Variants in EFCAB5 observed in about 807,000 individuals in gnomAD.
EFCAB5 encodes EF-hand calcium binding domain 5.
EFCAB5 carries 131 observed loss-of-function variants against 167.9 expected under a neutral mutation model. The ratio of observed to expected loss-of-function variants is 0.78; its 90% CI spans 0.68 to 0.90. The LOEUF is 0.90. Among genes scored for constraint, EFCAB5 ranks in the 40% least tolerant of loss-of-function variants. The pLI is 0.00. For synonymous variants in EFCAB5, 574 were observed against 602.8 expected (o/e 0.95, Z 0.70); for missense variants, 1,663 against 1,745.2 (o/e 0.95, Z 0.84).
At chr17:30,084,069 T>C (rs1296156127) in intron 18 of EFCAB5, among the ~76,000 whole-genome samples, 1 of 152,192 alleles carries the variant, frequency 6.6e-6, no homozygotes, top group East Asian at 1.9e-4. Flanking sequence ...GGTGGTAGTG[T>C]CACCTGGTTG....
intron 12 of EFCAB5, 78 bp downstream of exon 12, chr17:30,056,234 A>C: frequency 7.4e-7 from 1 of 1,354,968 alleles, no homozygotes; most frequent in South Asian, 1.3e-5. Flanking sequence ...TCGATGATAA[A>C]GACTGAATTT....
At position 30,039,358 on chromosome 17, in the gene EFCAB5, A is replaced by G. The variant is rs114313036; in HGVS notation, c.1200+4973A>G. Among the ~76,000 whole-genome samples the G allele has an allele frequency of 7.1e-3, 1,086 of 152,284 alleles. 15 individuals carry two copies. Among genetic ancestry groups the G allele is most frequent in the African/African-American group, 0.022 (931 of 41,548 alleles). On this transcript the variant is annotated intron_variant, in intron 8 of 22. Coordinates refer to ENST00000394835, the MANE Select transcript of EFCAB5 (RefSeq NM_198529.4). ...AAGCTAAGAAAAGCTTCATCTTTCC[A>G]TCTTTTCCTTTCCTTTCCTTCCCTC...
chr17:30,019,285 T>A (rs1006916386), intron 7 of EFCAB5, among the ~76,000 whole-genome samples: 2 of 151,832 alleles, frequency 1.3e-5, no homozygotes, highest in Non-Finnish European at 3.0e-5. Flanking sequence ...CCTCTATGCT[T>A]AATTTAATTG....
chr17:29,974,599 C>CA (rs1038080890), intron 4 of EFCAB5, among the ~76,000 whole-genome samples: 24 of 151,456 alleles, frequency 1.6e-4, no homozygotes, highest in African/African-American at 5.3e-4. Context: ...TAGAGCCATG[C>CA]AAAAAACTAG....
chr17:29,975,581 CTTTT>C (rs2068049219), intron 4 of EFCAB5, among the ~76,000 whole-genome samples: 1 of 152,154 alleles, frequency 6.6e-6, no homozygotes, highest in African/African-American at 2.4e-5. Context: ...TTTATAATTT[CTTTT>C]GACTTGTTTT....
intron 4 of EFCAB5, among the ~76,000 whole-genome samples, chr17:29,990,842 G>C (rs996131900): frequency 6.6e-6 from 1 of 152,126 alleles, no homozygotes; most frequent in Non-Finnish European, 1.5e-5. Flanking sequence ...GGTGCTGCTC[G>C]AACAGTCACT....
intron 3 of EFCAB5, among the ~76,000 whole-genome samples, chr17:29,958,660 T>A (rs889698055): frequency 6.6e-6 from 1 of 152,160 alleles, no homozygotes; most frequent in Non-Finnish European, 1.5e-5. Flanking sequence ...CTTACTTTGT[T>A]TGATAAGGTC....
chr17:30,013,074 C>A (rs2068946119), intron 7 of EFCAB5, among the ~76,000 whole-genome samples: 1 of 152,106 alleles, frequency 6.6e-6, no homozygotes, highest in Admixed American at 6.5e-5. Context: ...GTGGTTTTGT[C>A]TTCGGTTCTG....
At chr17:30,044,501 G>A (rs139738548) in intron 8 of EFCAB5, among the ~76,000 whole-genome samples, 1,597 of 152,034 alleles carry the variant, frequency 0.011, 35 homozygotes, top group African/African-American at 0.036. Context: ...GCTTGAACCC[G>A]GGAGGTGGAG....
rs778567177 is a variant in EFCAB5, at chr17:30,055,923, T to C, written c.2230T>C (p.Cys744Arg). Residue 744 changes from cysteine (C) to arginine (R), a missense_variant, in exon 11 of 23, where the codon TGT becomes CGT. Coordinates refer to ENST00000394835, the MANE Select transcript of EFCAB5 (RefSeq NM_198529.4). ...TKKEVQKDKP[C>R]EPKSQKIEGK... ...AAAGGAAGTTCAGAAAGACAAGCCCTGTGAACCCAAGTCCCAAAAAATAGA... is the reference window on the plus strand; with the variant it reads ...AAAGGAAGTTCAGAAAGACAAGCCCCGTGAACCCAAGTCCCAAAAAATAGA... 9 of 1,613,574 alleles carry C rather than the reference T, an allele frequency of 5.6e-6. No individual in the cohort carries two copies. The highest frequency in any genetic ancestry group is 8.5e-7 in the Non-Finnish European group (1 of 1,179,784).
At chr17:29,941,926 A>G (rs2151513842) in intron 1 of EFCAB5, 88 bp downstream of exon 1, 1 of 1,272,034 alleles carries the variant, frequency 7.9e-7, no homozygotes, top group East Asian at 2.5e-5. Context: ...ATCACAGTCT[A>G]TCATTTAATT....
intron 3 of EFCAB5, among the ~76,000 whole-genome samples, chr17:29,953,216 A>G (rs974128771): frequency 6.6e-6 from 1 of 152,212 alleles, no homozygotes; most frequent in African/African-American, 2.4e-5. Context: ...TACAAAAATC[A>G]TTAGCATTCC....
At chr17:29,977,510 C>G (rs2068085593) in intron 4 of EFCAB5, among the ~76,000 whole-genome samples, 1 of 152,172 alleles carries the variant, frequency 6.6e-6, no homozygotes, top group Admixed American at 6.5e-5. Flanking sequence ...AGACCCCAAA[C>G]AGAAGCTTGT....
intron 7 of EFCAB5, among the ~76,000 whole-genome samples, chr17:30,010,381 C>T (rs2068869848): frequency 6.6e-6 from 1 of 152,216 alleles, no homozygotes; most frequent in African/African-American, 2.4e-5. Flanking sequence ...AGAATTGCCA[C>T]ACTGTCTTCC....
At position 30,086,194 on chromosome 17, in the gene EFCAB5, A is replaced by G. The variant is rs184946612; in HGVS notation, c.3580-869A>G. ...ATGATTCATAAAAACCCCTCTTTAC[A>G]TCTCTTAATTGAATTTGTGTTTCCT... On this transcript the variant is annotated intron_variant, in intron 18 of 22. Transcript: ENST00000394835. 2.0e-5 allele frequency among the ~76,000 whole-genome samples: 3 copies of G among 152,026 alleles called. No individual in the cohort carries two copies. In the East Asian group the frequency reaches 5.8e-4, roughly 29 times the overall value.
rs1469054571 is a variant in EFCAB5, at chr17:30,057,833, C to T, written c.2523C>T (p.Ser841=). The T allele has an allele frequency of 2.7e-5, 43 of 1,613,596 alleles. No homozygotes were observed. The highest frequency in any genetic ancestry group is 3.5e-5 in the Non-Finnish European group (41 of 1,179,748). ...APLSVSETLT[S]FFKEGYVETE... is the part of the protein sequence containing the mutation. ...TGAGTGTCAGCGAGACTCTCACCTC[C>T]TTTTTTAAGGAGGGCTATGTTGAAA... Residue 841 remains serine (S), a synonymous_variant, in exon 13 of 23, where the codon TCC becomes TCT. Transcript: ENST00000394835.
chr17:30,040,239 C>G (rs566746998), intron 8 of EFCAB5, among the ~76,000 whole-genome samples: 1 of 152,318 alleles, frequency 6.6e-6, no homozygotes, highest in South Asian at 2.1e-4. Flanking sequence ...GGTCAGCCCC[C>G]AAGGGCCATC....
In EFCAB5 at chr17:30,083,052, G is replaced by A. The variant is rs759214605; in HGVS notation, c.3579+9G>A. 6.2e-7 allele frequency: 1 copy of A among 1,612,894 alleles called. No individual in the cohort carries two copies. Among genetic ancestry groups the A allele is most frequent in the Non-Finnish European group, 8.5e-7 (1 of 1,179,448 alleles). ...AGCCTAGCCCAGCCCAGGTAGGCAA[G>A]GCTCAGTAGTGGTAGATCTCTCCAA... On this transcript the variant is annotated intron_variant, in intron 18 of 22. Transcript: ENST00000394835.
intron 3 of EFCAB5, among the ~76,000 whole-genome samples, chr17:29,944,630 T>TG (rs1187451145): frequency 6.6e-6 from 1 of 150,786 alleles, no homozygotes; most frequent in African/African-American, 2.4e-5. Context: ...TTGTTTTGTT[T>TG]TTTTTTTTTT....
Sources: gnomAD v4.1 joint callset for allele counts (sites outside exome capture counted in the v4.1 genomes callset) on GRCh38, gnomAD v4.1.1 for gene constraint, MANE v1.5 for transcripts, NCBI Gene and HGNC (gene_info 2026-07-23, HGNC 2026-07-21) for gene names.